LRRK1: variants seen among roughly 807,000 people sequenced by gnomAD.
LRRK1 encodes the protein leucine-rich repeat serine/threonine-protein kinase 1.
In LRRK1, 113 loss-of-function variants were observed where a neutral mutation model predicts 209.1. The observed-to-expected ratio is 0.54, with a 90% CI of 0.46 to 0.63. The LOEUF is 0.63. LRRK1 is among the 30% of genes least tolerant of loss of function. The pLI, the probability that LRRK1 is intolerant of heterozygous loss-of-function variation, is 0.00. For synonymous variants in LRRK1, 1,144 were observed against 1,099.7 expected (o/e 1.04, Z -0.80); for missense variants, 2,284 against 2,632.2 (o/e 0.87, Z 2.89).
intron 2 of LRRK1, among the ~76,000 whole-genome samples, chr15:100,951,524 A>G (rs374872819): frequency 2.0e-5 from 3 of 150,334 alleles, no homozygotes; most frequent in African/African-American, 5.0e-5. Context: ...CTAATAACCA[A>G]AAAGTGGAAA....
At chr15:100,998,761 TAGATG>T (rs2032547927) in intron 6 of LRRK1, among the ~76,000 whole-genome samples, 1 of 151,370 alleles carries the variant, frequency 6.6e-6, no homozygotes, top group Non-Finnish European at 1.5e-5. Flanking sequence ...GATGGATAGA[TAGATG>T]GGTGGGTAGA....
chr15:101,040,606 A>G (rs1022309910), intron 20 of LRRK1, among the ~76,000 whole-genome samples: 2 of 152,152 alleles, frequency 1.3e-5, no homozygotes, highest in South Asian at 2.1e-4. Context: ...GTAGAAGCTT[A>G]GGTCATTTAT....
chr15:100,938,517 T>C (rs72765016), intron 2 of LRRK1, among the ~76,000 whole-genome samples: 23,228 of 152,000 alleles, frequency 0.15, 1,932 homozygotes, highest in South Asian at 0.25. Context: ...AGTGCTCTGG[T>C]GCACTGGAAC....
chr15:101,059,717 C>T (rs908737298), intron 29 of LRRK1, among the ~76,000 whole-genome samples: 2 of 152,182 alleles, frequency 1.3e-5, no homozygotes, highest in Admixed American at 1.3e-4. Context: ...TATCTCAGTT[C>T]TGCTCACTGA....
At chr15:101,025,516 T>C (rs2033986372) in intron 16 of LRRK1, among the ~76,000 whole-genome samples, 2 of 152,358 alleles carry the variant, frequency 1.3e-5, no homozygotes, top group Admixed American at 6.5e-5. Flanking sequence ...CCGCAGACTA[T>C]ACAAGCATGG....
At chr15:101,067,546 A>C (rs1344866120) in intron 33 of LRRK1, among the ~76,000 whole-genome samples, 1 of 151,058 alleles carries the variant, frequency 6.6e-6, no homozygotes. Context: ...GTGGGTTTTT[A>C]TTTCATCTGG....
rs184419743 is a variant in LRRK1 at position 101,066,736 on chromosome 15, G to C, written c.5865G>C (p.Pro1955=). 6.2e-7 allele frequency: 1 copy of C among 1,613,164 alleles called. No individual in the cohort carries two copies. Among genetic ancestry groups the C allele is most frequent in the African/African-American group, 1.3e-5 (1 of 74,910 alleles). Residue 1955 remains proline, a synonymous_variant, in exon 33 of 34, where the codon CCG becomes CCC. Transcript: ENST00000388948. The part of the protein sequence containing the change: ...IAVLKARELT[P]HGVLVDAAVV... ...TCTTAAAAGCCCGAGAGCTGACTCC[G>C]CATGGGTAAGACTGAGTGGCAGCTC... is the stretch of plus-strand genomic sequence containing the variant.
Position 101,053,251 on chromosome 15 carries a change from C to T in LRRK1, c.3885C>T (p.Thr1295=), listed in dbSNP as rs1353881361. Residue 1295 remains threonine, a synonymous_variant, in exon 26 of 34, where the codon ACC becomes ACT. Transcript: ENST00000388948. The part of the protein sequence containing the change: ...ADTMLRHLRA[T]DAMKNFSEFR... ...CCATGCTGAGGCACCTGCGGGCCACCGATGCCATGAAGAACTTCTCCGAGT... is the reference window on the plus strand; with the variant it reads ...CCATGCTGAGGCACCTGCGGGCCACTGATGCCATGAAGAACTTCTCCGAGT... 6 of 1,606,558 alleles carry T rather than the reference C, an allele frequency of 3.7e-6. No homozygotes were observed. Among genetic ancestry groups the T allele is most frequent in the South Asian group, 3.3e-5 (3 of 91,080 alleles).
intron 2 of LRRK1, among the ~76,000 whole-genome samples, chr15:100,936,500 A>G (rs1484077697): frequency 6.6e-6 from 1 of 152,262 alleles, no homozygotes; most frequent in Non-Finnish European, 1.5e-5. Flanking sequence ...CAAAGCCTGA[A>G]TCTGCAAGAT....
chr15:101,014,261 C>T (rs1381901109), intron 10 of LRRK1, 55 bp from the exon 11 acceptor site: 1 of 1,273,422 alleles, frequency 7.9e-7, no homozygotes. Context: ...AGTCTCCCCT[C>T]CCTTCTTGTA....
chr15:101,019,492 T>G (rs1223659773), intron 12 of LRRK1, among the ~76,000 whole-genome samples: 2 of 152,194 alleles, frequency 1.3e-5, no homozygotes, highest in South Asian at 4.1e-4. Flanking sequence ...GTGAGTCCCA[T>G]TCACAGTACA....
intron 2 of LRRK1, among the ~76,000 whole-genome samples, chr15:100,937,596 G>A (rs2042324346): frequency 4.0e-5 from 6 of 151,516 alleles, no homozygotes; most frequent in African/African-American, 4.9e-5. Context: ...GTGCAGTGGC[G>A]CGATCTCAGC....
At chr15:100,995,270 C>T (rs1041649584) in intron 6 of LRRK1, among the ~76,000 whole-genome samples, 9 of 152,310 alleles carry the variant, frequency 5.9e-5, no homozygotes, top group African/African-American at 2.2e-4. Flanking sequence ...ACAGCCGACC[C>T]AGGTACAGCA....
chr15:100,956,969 C>T lies in LRRK1; in HGVS notation c.98-16835C>T, dbSNP rs551232363. Among the ~76,000 whole-genome samples the T allele has an allele frequency of 7.2e-5, 11 of 152,146 alleles. No individual in the cohort carries two copies. In the South Asian group the frequency reaches 1.7e-3, roughly 23 times the overall value. ...TCTTAGAACTGCTTTTGCTGTATCC[C>T]GTAAGTTTTGGTATGTTGTGTTTCC... On this transcript the variant is annotated intron_variant, in intron 2 of 33. Transcript: ENST00000388948.
chr15:101,044,406 T>C lies in LRRK1; in HGVS notation c.2964-1575T>C, dbSNP rs73488894. ...CCTGCCAGGGTTTCACTGCTTTACG[T>C]TCATCAAACACATGAAGAATTTACC... On this transcript the variant is annotated intron_variant, in intron 20 of 33. Coordinates refer to ENST00000388948, the MANE Select transcript of LRRK1 (RefSeq NM_024652.6). Among the ~76,000 whole-genome samples, 963 of 152,300 alleles carry C rather than the reference T, an allele frequency of 6.3e-3. 13 individuals carry two copies. Among genetic ancestry groups the C allele is most frequent in the African/African-American group, 0.022 (930 of 41,556 alleles).
chr15:100,929,152 T>C (rs2042165128), intron 2 of LRRK1, among the ~76,000 whole-genome samples: 1 of 152,200 alleles, frequency 6.6e-6, no homozygotes, highest in Non-Finnish European at 1.5e-5. Context: ...CAAGGAGAGC[T>C]GTCCTGGAAA....
intron 6 of LRRK1, among the ~76,000 whole-genome samples, chr15:100,994,136 G>C (rs577645273): frequency 3.3e-5 from 5 of 152,090 alleles, no homozygotes; most frequent in African/African-American, 9.7e-5. Context: ...ATAACACCTC[G>C]GTAAGAACTG....
chr15:101,012,752 C>T (rs1188230427), intron 10 of LRRK1, among the ~76,000 whole-genome samples: 1 of 152,232 alleles, frequency 6.6e-6, no homozygotes, highest in Non-Finnish European at 1.5e-5. Context: ...CGGCGACCCC[C>T]ACAAGGCAGC....
chr15:101,003,554 C>T (rs546883761), intron 6 of LRRK1, among the ~76,000 whole-genome samples: 5 of 152,166 alleles, frequency 3.3e-5, no homozygotes, highest in East Asian at 1.9e-4. Flanking sequence ...GTGAAAGACA[C>T]GTCTTACATG....
Sources: allele counts gnomAD v4.1 joint callset (sites outside exome capture counted in the v4.1 genomes callset), GRCh38; gene constraint gnomAD v4.1.1; transcripts MANE v1.5; gene names NCBI Gene and HGNC (gene_info 2026-07-23, HGNC 2026-07-21).